PRRX2: variants seen among roughly 807,000 people sequenced by gnomAD.
The protein encoded by PRRX2 is paired related homeobox 2, also known as paired mesoderm homeobox protein 2.
PRRX2 carries 11 observed loss-of-function variants against 18.0 expected under a neutral mutation model. The observed-to-expected ratio is 0.61, with a 90% CI of 0.39 to 1.01. The LOEUF is 1.01. Among genes scored for constraint, PRRX2 ranks in the 50% least tolerant of loss-of-function variants. The pLI, the probability that PRRX2 is intolerant of heterozygous loss-of-function variation, is 0.01. For missense variants in PRRX2, 387 were observed against 351.0 expected, an observed-to-expected ratio of 1.10 and a Z score of -0.82; for synonymous variants, 177 against 154.8, an observed-to-expected ratio of 1.14 and a Z score of -1.06.
In PRRX2 at chr9:129,715,916, G is replaced by A. The variant is rs1832701198; in HGVS notation, c.260-3315G>A. Among the ~76,000 whole-genome samples, 1 of 152,108 alleles carries A rather than the reference G, an allele frequency of 6.6e-6. No homozygotes were observed. The highest frequency in any genetic ancestry group is 2.1e-4 in the South Asian group (1 of 4,824). ...GATATTCAGCAGTACCCATCACTGG[G>A]CCTGGCATGTTCTAGAAGCTCAGTA... On this transcript the variant is annotated intron_variant, in intron 1 of 3. Transcript: ENST00000372469. This position sits in a 1 kb window ranked among gnomAD's most constrained non-coding sequence, Gnocchi z 4.0.
At chr9:129,690,367 C>T (rs1475763861) in intron 1 of PRRX2, among the ~76,000 whole-genome samples, 2 of 152,152 alleles carry the variant, frequency 1.3e-5, no homozygotes, top group African/African-American at 2.4e-5. Flanking sequence ...GGTTGTATCA[C>T]GCCAATGGGT....
At position 129,671,691 on chromosome 9, in the gene PRRX2, G is replaced by A. The variant is rs1832102681; in HGVS notation, c.259+5565G>A. Among the ~76,000 whole-genome samples the A allele has an allele frequency of 6.6e-6, 1 of 152,212 alleles. No homozygotes were observed. Among genetic ancestry groups the A allele is most frequent in the African/African-American group, 2.4e-5 (1 of 41,452 alleles). The stretch of plus-strand genomic sequence containing the variant: ...GGTACCATGCCTAGTCCACAGTAAA[G>A]TGTCTCCACTGCAGCTCCTGGAGAT... On this transcript the variant is annotated intron_variant, in intron 1 of 3. Coordinates refer to ENST00000372469, the MANE Select transcript of PRRX2 (RefSeq NM_016307.4). The surrounding 1 kb of genome is among the most constrained non-coding windows in gnomAD (Gnocchi z 4.0).
At chr9:129,705,945 G>A (rs1405871474) in intron 1 of PRRX2, among the ~76,000 whole-genome samples, 1 of 151,728 alleles carries the variant, frequency 6.6e-6, no homozygotes, top group East Asian at 2.0e-4. Context: ...CTGACCTCTT[G>A]GGGCCTCCCC....
In PRRX2 at chr9:129,706,495, G is replaced by A. The variant is rs192325791; in HGVS notation, c.260-12736G>A. ...AGAGAATCGCTTGAACCTGGGAGGC[G>A]GAGGTTGCAGTGGGCCAAGTTCACG... is the stretch of plus-strand genomic sequence containing the variant. On this transcript the variant is annotated intron_variant, in intron 1 of 3. Coordinates refer to ENST00000372469, the MANE Select transcript of PRRX2 (RefSeq NM_016307.4). Among the ~76,000 whole-genome samples the A allele has an allele frequency of 1.4e-4, 22 of 152,104 alleles. No individual in the cohort carries two copies. In the East Asian group the frequency reaches 3.1e-3, roughly 21 times the overall value.
At chr9:129,711,270 G>A (rs1034538186) in intron 1 of PRRX2, among the ~76,000 whole-genome samples, 30 of 152,058 alleles carry the variant, frequency 2.0e-4, no homozygotes, top group Non-Finnish European at 1.5e-5. Context: ...TGTGGCATCA[G>A]TATGTCATTT....
At chr9:129,721,407 A>G (rs1160753822) in intron 3 of PRRX2, among the ~76,000 whole-genome samples, 1 of 152,124 alleles carries the variant, frequency 6.6e-6, no homozygotes, top group African/African-American at 2.4e-5. Context: ...CCACAGCTCC[A>G]GAGGCGCCGT....
At chr9:129,678,741 C>T (rs1218638912) in intron 1 of PRRX2, among the ~76,000 whole-genome samples, 3 of 152,056 alleles carry the variant, frequency 2.0e-5, no homozygotes, top group Admixed American at 6.6e-5. Context: ...AGTGGGGATG[C>T]GTTCTGTGTG....
chr9:129,667,674 C>T (rs1383197053), intron 1 of PRRX2, among the ~76,000 whole-genome samples: 2 of 152,086 alleles, frequency 1.3e-5, no homozygotes, highest in Non-Finnish European at 2.9e-5. Flanking sequence ...GGACGGCCTG[C>T]CCATTTCTGA....
Position 129,720,678 on chromosome 9 carries a change from C to T in PRRX2, c.530C>T (p.Ser177Phe), listed in dbSNP as rs777876138. ...AGCCGCTCTGCCTCGCTGCTCAAGT[C>T]CTACAGCCAGGAGGCCGCCATCGAG... ...LASRSASLLK[S>F]YSQEAAIEQP... The change falls in exon 3 of 4, where the codon TCC becomes TTC. Residue 177 changes from serine (S) to phenylalanine (F), a missense_variant. Coordinates refer to ENST00000372469, the MANE Select transcript of PRRX2 (RefSeq NM_016307.4). 2 of 1,613,504 alleles carry T rather than the reference C, an allele frequency of 1.2e-6. No individual in the cohort carries two copies. The highest frequency in any genetic ancestry group is 1.3e-5 in the African/African-American group (1 of 75,048).
intron 1 of PRRX2, among the ~76,000 whole-genome samples, chr9:129,714,722 C>T (rs1832680607): frequency 6.6e-6 from 1 of 152,204 alleles, no homozygotes; most frequent in Admixed American, 6.5e-5. Context: ...TCTTCGGGCG[C>T]TTACTCGGCA....
At chr9:129,680,734 C>G (rs903669423) in intron 1 of PRRX2, among the ~76,000 whole-genome samples, 7 of 152,108 alleles carry the variant, frequency 4.6e-5, no homozygotes, top group Admixed American at 4.6e-4. Context: ...TCCCTCTCCC[C>G]TGCCCAGCCC....
chr9:129,681,023 G>A (rs1323431711), intron 1 of PRRX2, among the ~76,000 whole-genome samples: 4 of 152,220 alleles, frequency 2.6e-5, no homozygotes, highest in African/African-American at 4.8e-5. Context: ...AGGCTGACAC[G>A]TTCAGATTTG....
intron 1 of PRRX2, among the ~76,000 whole-genome samples, chr9:129,687,462 CAGAG>C (rs1832310967): frequency 6.6e-6 from 1 of 152,094 alleles, no homozygotes; most frequent in Admixed American, 6.6e-5. Context: ...AACTGAGGCA[CAGAG>C]AGGAGGAGCC....
At chr9:129,678,116 A>G (rs2009004) in intron 1 of PRRX2, among the ~76,000 whole-genome samples, 40,275 of 151,476 alleles carry the variant, frequency 0.27, 5,549 homozygotes, top group East Asian at 0.38. Context: ...GGCACGTACC[A>G]CCATGCCTGG....
At chr9:129,711,428 CAG>C (rs1319253315) in intron 1 of PRRX2, among the ~76,000 whole-genome samples, 3 of 101,012 alleles carry the variant, frequency 3.0e-5, no homozygotes, top group South Asian at 3.3e-4. Context: ...TTTTTTGAGA[CAG>C]AGTCTTGCTT....
rs1009784767 is a variant in PRRX2 at position 129,677,853 on chromosome 9, A to C, written c.259+11727A>C. Among the ~76,000 whole-genome samples, 3 of 152,038 alleles carry C rather than the reference A, an allele frequency of 2.0e-5. No homozygotes were observed. In the East Asian group the frequency reaches 5.8e-4, roughly 29 times the overall value. On this transcript the variant is annotated intron_variant, in intron 1 of 3. Transcript: ENST00000372469. ...CTGATTTCACTGGGAAGGAAGAAAG[A>C]AAAGGCAAAGATCTAATACCAGCTG...
At chr9:129,718,140 C>A (rs1832737872) in intron 1 of PRRX2, among the ~76,000 whole-genome samples, 1 of 148,988 alleles carries the variant, frequency 6.7e-6, no homozygotes, top group Admixed American at 6.7e-5. Context: ...TTCTGCTGGG[C>A]CCTCCTTACC....
Position 129,722,235 on chromosome 9 carries a change from C to T in PRRX2, c.645C>T (p.Ser215=), listed in dbSNP as rs1170440982. The T allele has an allele frequency of 6.2e-7, 1 of 1,613,836 alleles. No individual in the cohort carries two copies. The highest frequency in any genetic ancestry group is 8.5e-7 in the Non-Finnish European group (1 of 1,179,918). The stretch of plus-strand genomic sequence containing the variant: ...CCCCCAGCACAGTGCCACCCTACAG[C>T]CCTGGGAGCTCAGGCCCCGCAACCC... The part of the protein sequence containing the change: ...SSPYSTVPPY[S]PGSSGPATPG... The change falls in exon 4 of 4, where the codon AGC becomes AGT. Residue 215 remains serine (S), a synonymous_variant. Transcript: ENST00000372469.
chr9:129,711,958 T>C (rs1832628265), intron 1 of PRRX2, among the ~76,000 whole-genome samples: 2 of 152,246 alleles, frequency 1.3e-5, no homozygotes, highest in South Asian at 4.1e-4. Context: ...TGAGCCCTTC[T>C]CCCAGGGGCC....
Sources: allele counts gnomAD v4.1 joint callset (sites outside exome capture counted in the v4.1 genomes callset), GRCh38; gene constraint gnomAD v4.1.1; non-coding constraint Gnocchi (gnomAD v3.1); transcripts MANE v1.5; gene names NCBI Gene and HGNC (gene_info 2026-07-23, HGNC 2026-07-21).